Variants in EPCIP observed in about 807,000 individuals in gnomAD.
EPCIP encodes the protein exosomal polycystin-1-interacting protein.
the EPCIP span, among the ~76,000 whole-genome samples, chr21:32,809,318 TTCTTTCTTTCTTTCTTTCTTTCTTTCC>T: frequency 6.9e-6 from 1 of 145,580 alleles, no homozygotes; most frequent in African/African-American, 2.6e-5. Flanking sequence ...CTTTCTTTCT[TTCTTTCTTTCTTTCTTTCTTTCTTTCC>T]TCTTTCTTTC....
At chr21:32,801,065 T>C in the EPCIP span, among the ~76,000 whole-genome samples, 3 of 152,074 alleles carry the variant, frequency 2.0e-5, no homozygotes, top group African/African-American at 7.2e-5. Flanking sequence ...TTCTGGCCAA[T>C]GGAATATGGT....
the EPCIP span, among the ~76,000 whole-genome samples, chr21:32,801,223 A>G: frequency 3.3e-5 from 5 of 152,182 alleles, no homozygotes; most frequent in Admixed American, 6.5e-5. Flanking sequence ...AACAGATCTC[A>G]ATTACTCTAA....
At chr21:32,806,766 A>C in the EPCIP span, among the ~76,000 whole-genome samples, 1 of 152,144 alleles carries the variant, frequency 6.6e-6, no homozygotes, top group Non-Finnish European at 1.5e-5. Context: ...TTCACCCACT[A>C]ATTTGCTGCC....
chr21:32,794,473 T>G, the EPCIP span: 2 of 1,548,026 alleles, frequency 1.3e-6, no homozygotes, highest in East Asian at 2.3e-5. Context: ...TGAACCAATT[T>G]GTTGGAACTC....
chr21:32,801,937 G>T, the EPCIP span, among the ~76,000 whole-genome samples: 1 of 152,204 alleles, frequency 6.6e-6, no homozygotes, highest in Admixed American at 6.5e-5. Context: ...CAGAGAAGAG[G>T]TTCGGGTTAG....
At chr21:32,810,168 C>T in the EPCIP span, among the ~76,000 whole-genome samples, 1 of 151,388 alleles carries the variant, frequency 6.6e-6, no homozygotes, top group East Asian at 1.9e-4. Flanking sequence ...TTTTCTGTTC[C>T]TCCATGATGT....
chr21:32,793,670 G>C, the EPCIP span: 1 of 1,149,348 alleles, frequency 8.7e-7, no homozygotes, highest in Admixed American at 1.7e-5. Context: ...GTTGTGGGTA[G>C]GGATACCTAT....
At chr21:32,796,781 T>A in the EPCIP span, among the ~76,000 whole-genome samples, 1 of 152,188 alleles carries the variant, frequency 6.6e-6, no homozygotes, top group African/African-American at 2.4e-5. Context: ...ACTGGAGGCC[T>A]CTGGGACTTC....
chr21:32,810,557 G>A, the EPCIP span: 2 of 468,924 alleles, frequency 4.3e-6, no homozygotes, highest in South Asian at 3.1e-5. Flanking sequence ...CACCATGCCC[G>A]GCCCTGATCT....
At chr21:32,802,560 C>T in the EPCIP span, among the ~76,000 whole-genome samples, 1 of 152,202 alleles carries the variant, frequency 6.6e-6, no homozygotes, top group African/African-American at 2.4e-5. Context: ...TTTGTATTTT[C>T]CTCAGTGATT....
the EPCIP span, chr21:32,794,398 A>G: frequency 6.2e-7 from 1 of 1,613,558 alleles, no homozygotes; most frequent in Admixed American, 1.7e-5. Flanking sequence ...TCAGAAGAAG[A>G]CAGTGCCTGG....
chr21:32,802,842 C>T, the EPCIP span, among the ~76,000 whole-genome samples: 61 of 152,244 alleles, frequency 4.0e-4, no homozygotes, highest in East Asian at 3.3e-3. Flanking sequence ...AGTGCAGTGG[C>T]GCGATCTCGG....
chr21:32,794,254 C>T, the EPCIP span: 1 of 1,614,244 alleles, frequency 6.2e-7, no homozygotes, highest in Non-Finnish European at 8.5e-7. Context: ...TCAGGTTGGC[C>T]AAACTGTAGT....
chr21:32,796,929 C>T, the EPCIP span: 1 of 469,130 alleles, frequency 2.1e-6, no homozygotes, highest in Non-Finnish European at 4.4e-6. Flanking sequence ...TGTCTGCCTC[C>T]CTGTTTCAGG....
At chr21:32,805,413 G>C in the EPCIP span, among the ~76,000 whole-genome samples, 1 of 151,774 alleles carries the variant, frequency 6.6e-6, no homozygotes, top group Non-Finnish European at 1.5e-5. Flanking sequence ...GGAGTGTGGA[G>C]TGCAGTGGCA....
At chr21:32,808,464 T>C in the EPCIP span, among the ~76,000 whole-genome samples, 1 of 152,368 alleles carries the variant, frequency 6.6e-6, no homozygotes, top group Non-Finnish European at 1.5e-5. Context: ...TCCTTTCAAC[T>C]GTGTTCAAGC....
At chr21:32,804,897 A>G in the EPCIP span, among the ~76,000 whole-genome samples, 5 of 152,226 alleles carry the variant, frequency 3.3e-5, no homozygotes, top group Admixed American at 3.3e-4. Flanking sequence ...GGATGTGATC[A>G]AAACACTTTA....
the EPCIP span, among the ~76,000 whole-genome samples, chr21:32,791,971 C>T: frequency 6.6e-6 from 1 of 150,986 alleles, no homozygotes; most frequent in Admixed American, 6.6e-5. Context: ...GTGGCGCAAT[C>T]TTGGCTCACT....
the EPCIP span, among the ~76,000 whole-genome samples, chr21:32,807,452 C>CCTCCGATTCTTGTGTCTCAGT: frequency 6.6e-6 from 1 of 151,666 alleles, no homozygotes; most frequent in African/African-American, 2.4e-5. Flanking sequence ...CCTGCCTCAG[C>CCTCCGATTCTTGTGTCTCAGT]CTCCCGAGTA....
Sources: allele counts gnomAD v4.1 joint callset (sites outside exome capture counted in the v4.1 genomes callset), GRCh38; gene constraint gnomAD v4.1.1; transcripts MANE v1.5; gene names NCBI Gene and HGNC (gene_info 2026-07-23, HGNC 2026-07-21).